Variants in AKT2 observed in about 807,000 individuals in gnomAD.
AKT2 encodes AKT serine/threonine kinase 2, also known as RAC-beta serine/threonine-protein kinase.
In AKT2, 16 loss-of-function variants were observed where a neutral mutation model predicts 58.6. The observed-to-expected ratio is 0.27, with a 90% CI of 0.18 to 0.41. The LOEUF is 0.41. AKT2 is among the 10% of genes least tolerant of loss of function. The probability of loss-of-function intolerance (pLI) is 1.00; values close to 1 mark genes in which losing one functional copy is unlikely to be tolerated. For synonymous variants in AKT2, 253 were observed against 254.0 expected (o/e 1.00, Z 0.04); for missense variants, 438 against 661.0 (o/e 0.66, Z 3.70).
chr19:40,235,880 C>T lies in AKT2; in HGVS notation c.1175+10G>A. On this transcript the variant is annotated intron_variant, in intron 11 of 13. Coordinates refer to ENST00000392038, the MANE Select transcript of AKT2 (RefSeq NM_001626.6). This position sits in a 1 kb window ranked among gnomAD's most constrained non-coding sequence, Gnocchi z 6.3. ...GCGCTGGGCTGGGTGGGGCCGACGCCAGCCCTCACCTCTGCTTGGGGTCCT... is the reference window on the plus strand; with the variant it reads ...GCGCTGGGCTGGGTGGGGCCGACGCTAGCCCTCACCTCTGCTTGGGGTCCT... 1 of 1,602,890 alleles carries T rather than the reference C, an allele frequency of 6.2e-7. No homozygotes were observed.
chr19:40,240,032 G>C lies in AKT2; in HGVS notation c.639+13C>G. 1.9e-6 allele frequency: 3 copies of C among 1,613,682 alleles called. No individual in the cohort carries two copies. The highest frequency in any genetic ancestry group is 2.5e-6 in the Non-Finnish European group (3 of 1,179,712). On this transcript the variant is annotated intron_variant, in intron 7 of 13. Transcript: ENST00000392038. ...CTGGCCTCACACTGTCTGGGAAGGGGAGGGCAACTCACAGTGAGGAACGGG... is the reference window on the plus strand; with the variant it reads ...CTGGCCTCACACTGTCTGGGAAGGGCAGGGCAACTCACAGTGAGGAACGGG...
Position 40,257,017 on chromosome 19 carries a change from C to T in AKT2, c.84G>A (p.Leu28=). The change falls in exon 3 of 14, where the codon CTG becomes CTA. Residue 28 remains leucine (L), a synonymous_variant. Transcript: ENST00000392038. ...CAATGAAGGAGCCGTCGCTCTTCAG[C>T]AGGAAGTACCGTGGCCTCCAGGTCT... ...YIKTWRPRYF[L]LKSDGSFIGY... is the part of the protein sequence containing the mutation. 6.2e-7 allele frequency: 1 copy of T among 1,614,210 alleles called. No individual in the cohort carries two copies. Among genetic ancestry groups the T allele is most frequent in the Non-Finnish European group, 8.5e-7 (1 of 1,180,018 alleles).
At chr19:40,264,781 C>T (rs776374803) in intron 2 of AKT2, among the ~76,000 whole-genome samples, 7 of 152,146 alleles carry the variant, frequency 4.6e-5, no homozygotes, top group African/African-American at 9.6e-5. Flanking sequence ...CTTGCCACCC[C>T]GACATTCCAT....
At chr19:40,258,536 T>G (rs1568552644) in intron 2 of AKT2, among the ~76,000 whole-genome samples, 1 of 151,874 alleles carries the variant, frequency 6.6e-6, no homozygotes, top group Admixed American at 6.6e-5. Flanking sequence ...AGTCGTTGCG[T>G]GTGCCTGAAG....
rs985642610 is a variant in AKT2 at position 40,242,341 on chromosome 19, A to G, written c.441+193T>C. On this transcript the variant is annotated intron_variant, in intron 5 of 13. Transcript: ENST00000392038. The surrounding 1 kb of genome is among the most constrained non-coding windows in gnomAD (Gnocchi z 4.3). ...GACGAACCTGCAGTGGGTCCACCCAAGGTTGCTCCCTCCCCTACGGGCATG... is the reference window on the plus strand; with the variant it reads ...GACGAACCTGCAGTGGGTCCACCCAGGGTTGCTCCCTCCCCTACGGGCATG... 5.3e-5 allele frequency: 52 copies of G among 973,830 alleles called. 1 individual carries two copies. The Admixed American group carries it at 9.4e-4, about 18-fold the overall frequency. 60.3% of individuals were successfully genotyped at this position (973,830 alleles called of 1,614,324 possible). A position where few individuals can be genotyped will look rare whatever the true frequency, so the allele number is the denominator to read the frequency against.
intron 1 of AKT2, chr19:40,265,623 G>T: frequency 1.2e-5 from 5 of 414,568 alleles, no homozygotes; most frequent in Non-Finnish European, 1.4e-5. Context: ...GGGGGGAGGT[G>T]GCCCCTCCAC....
At chr19:40,247,129 G>A (rs945792768) in intron 4 of AKT2, among the ~76,000 whole-genome samples, 1 of 152,200 alleles carries the variant, frequency 6.6e-6, no homozygotes, top group Non-Finnish European at 1.5e-5. Flanking sequence ...TTGCAAGGTT[G>A]CAGCACTCAG....
chr19:40,243,646 T>G (rs1974553041), intron 4 of AKT2: 1 of 152,256 alleles, frequency 6.6e-6, no homozygotes, highest in African/African-American at 2.4e-5. Context: ...CCCAGCATTT[T>G]GGGAGGCCAA....
Position 40,265,325 on chromosome 19 carries a change from C to T in AKT2, c.-58G>A. 2 of 1,594,748 alleles carry T rather than the reference C, an allele frequency of 1.3e-6. No individual in the cohort carries two copies. The highest frequency in any genetic ancestry group is 2.3e-5 in the South Asian group (2 of 88,688). On this transcript the variant is annotated 5_prime_UTR_variant, in exon 2 of 14. Coordinates refer to ENST00000392038, the MANE Select transcript of AKT2 (RefSeq NM_001626.6). ...GGACAGCTCAGGGCAGCAGGACATG[C>T]AGGAGGCACCGTGGACAGGGCACAG...
In AKT2 at chr19:40,240,131, AG is replaced by A. The variant is rs545754921; in HGVS notation, c.574-22del. On this transcript the variant is annotated intron_variant, in intron 6 of 13. Transcript: ENST00000392038. Reference sequence around the variant, plus strand: ...TCATCCTGCAGACAGACTGCGGGTGAGGGGCTGGTGGGCAACACCACACCTG... The same window carrying A: ...TCATCCTGCAGACAGACTGCGGGTGAGGGCTGGTGGGCAACACCACACCTG... The A allele has an allele frequency of 7.8e-5, 126 of 1,613,640 alleles. No individual in the cohort carries two copies. In the East Asian group the frequency reaches 2.3e-3, roughly 29 times the overall value.
In AKT2 at chr19:40,233,059, T is replaced by TG; in HGVS notation, c.*812dup. The TG allele has an allele frequency of 4.3e-6, 1 of 234,636 alleles. No individual in the cohort carries two copies. The highest frequency in any genetic ancestry group is 1.3e-3 in the Middle Eastern group (1 of 788). The allele number at this position is 234,636 out of a possible 1,614,324, so 14.5% of individuals were successfully genotyped here. ...GGTGAGCCCAGCCCATAGCCCCCAG[T>TG]GGGGCCAGGCCAGGCCCAGGGTCCA... is the stretch of plus-strand genomic sequence containing the variant. On this transcript the variant is annotated 3_prime_UTR_variant, in exon 14 of 14. Transcript: ENST00000392038. The surrounding 1 kb of genome is among the most constrained non-coding windows in gnomAD (Gnocchi z 4.3).
At chr19:40,261,119 C>G (rs1975914962) in intron 2 of AKT2, among the ~76,000 whole-genome samples, 1 of 152,206 alleles carries the variant, frequency 6.6e-6, no homozygotes, top group Non-Finnish European at 1.5e-5. Context: ...GAATTGTCCC[C>G]CAAAGTTCAT....
Position 40,233,939 on chromosome 19 carries a change from C to T in AKT2, c.1379G>A (p.Gly460Asp). ...ITPPDRYDSL[G>D]LLELDQRTHF... Reference sequence around the variant, plus strand: ...GGTCCGCTGGTCCAGCTCCAGTAAGCCCAGGCTGTCATCTGTGGGCGGCAG... The same window carrying T: ...GGTCCGCTGGTCCAGCTCCAGTAAGTCCAGGCTGTCATCTGTGGGCGGCAG... Residue 460 changes from glycine (G) to aspartate (D), a missense_variant, in exon 14 of 14, where the codon GGC becomes GAC. Gly to Asp is a moderately conservative substitution (Grantham distance 94). This residue lies in a region of AKT2 where 148 missense variants were observed against 199.5 expected (regional missense o/e 0.74). Transcript: ENST00000392038. This position sits in a 1 kb window ranked among gnomAD's most constrained non-coding sequence, Gnocchi z 4.3. 1 of 1,611,236 alleles carries T rather than the reference C, an allele frequency of 6.2e-7. No homozygotes were observed.
chr19:40,253,681 G>A (rs543949700), intron 4 of AKT2, among the ~76,000 whole-genome samples: 1 of 152,124 alleles, frequency 6.6e-6, no homozygotes, highest in Admixed American at 6.5e-5. Flanking sequence ...CCTGTGCCTC[G>A]GCAATCCTGC....
In AKT2 at chr19:40,233,757, G is replaced by T; in HGVS notation, c.*115C>A. On this transcript the variant is annotated 3_prime_UTR_variant, in exon 14 of 14. Coordinates refer to ENST00000392038, the MANE Select transcript of AKT2 (RefSeq NM_001626.6). The surrounding 1 kb of genome is among the most constrained non-coding windows in gnomAD (Gnocchi z 4.3). ...GGGGCCTGAAGAAGAACTGGAAAGG[G>T]GGTGAGGAGGTGGGGGTGGGGACAC... 9.9e-7 allele frequency: 1 copy of T among 1,007,564 alleles called. No individual in the cohort carries two copies. Among genetic ancestry groups the T allele is most frequent in the Non-Finnish European group, 1.5e-6 (1 of 650,278 alleles). The allele number at this position is 1,007,564 out of a possible 1,614,324, so 62.4% of individuals were successfully genotyped here.
At chr19:40,275,225 G>A (rs2077290646) in intron 1 of AKT2, 2 of 456,662 alleles carry the variant, frequency 4.4e-6, no homozygotes, top group South Asian at 1.5e-5. Context: ...ATCTTGTGTC[G>A]CCTCCTCCCA....
intron 1 of AKT2, among the ~76,000 whole-genome samples, chr19:40,268,245 C>T (rs1441689525): frequency 6.6e-6 from 1 of 152,372 alleles, no homozygotes; most frequent in East Asian, 1.9e-4. Flanking sequence ...CATCTCCCCT[C>T]TCGCTGGCCC....
chr19:40,237,100 C>T lies in AKT2; in HGVS notation c.832-715G>A, dbSNP rs533258239. The T allele has an allele frequency of 2.5e-4, 40 of 157,340 alleles. No individual in the cohort carries two copies. The highest frequency in any genetic ancestry group is 4.5e-4 in the Non-Finnish European group (32 of 71,258). The allele number at this position is 157,340 out of a possible 1,614,324, so 9.7% of individuals were successfully genotyped here. ...TTTCCCTCGACATTAGCCTATGAGACGCGTCCACACTGTCGTGTGTAGCTG... is the reference window on the plus strand; with the variant it reads ...TTTCCCTCGACATTAGCCTATGAGATGCGTCCACACTGTCGTGTGTAGCTG... On this transcript the variant is annotated intron_variant, in intron 9 of 13. Transcript: ENST00000392038. The surrounding 1 kb of genome is among the most constrained non-coding windows in gnomAD (Gnocchi z 4.5).
intron 4 of AKT2, among the ~76,000 whole-genome samples, chr19:40,247,864 T>C (rs940054429): frequency 1.3e-5 from 2 of 151,494 alleles, no homozygotes; most frequent in South Asian, 2.1e-4. Context: ...ACACAAGAAG[T>C]GCCCAGGCAC....
Sources: allele counts gnomAD v4.1 joint callset (sites outside exome capture counted in the v4.1 genomes callset), GRCh38; gene constraint gnomAD v4.1.1; regional missense constraint gnomAD v4.1.1; non-coding constraint Gnocchi (gnomAD v3.1); transcripts MANE v1.5; gene names NCBI Gene and HGNC (gene_info 2026-07-23, HGNC 2026-07-21).